PCDHA10: variants seen among roughly 807,000 people sequenced by gnomAD.
PCDHA10 encodes protocadherin alpha 10.
In PCDHA10, 45 loss-of-function variants were observed where a neutral mutation model predicts 61.2. That is an observed-to-expected ratio of 0.74 (90% CI 0.58 to 0.94). The LOEUF (loss-of-function observed/expected upper bound fraction) is 0.94, where lower values mean the gene tolerates loss of function less well. Ranked by LOEUF, PCDHA10 falls within the 40% of genes least tolerant of loss-of-function variation. The pLI is 0.00. For missense variants in PCDHA10, 1,278 were observed against 1,236.2 expected (o/e 1.03, Z -0.51); for synonymous variants, 602 against 548.8 (o/e 1.10, Z -1.35).
At chr5:140,867,411 AT>A (rs2049946393) in intron 1 of PCDHA10, 2 of 152,130 alleles carry the variant, frequency 1.3e-5, no homozygotes, top group South Asian at 2.1e-4. Context: ...GTCTCCTTTA[AT>A]TTTTTAATAC....
intron 1 of PCDHA10, among the ~76,000 whole-genome samples, chr5:140,947,889 A>G (rs1275614644): frequency 1.3e-5 from 2 of 151,626 alleles, no homozygotes; most frequent in Non-Finnish European, 3.0e-5. Flanking sequence ...CAATATAAAC[A>G]GAAGTGGTGA....
intron 1 of PCDHA10, chr5:140,877,662 C>A (rs1176424464): frequency 1.9e-6 from 3 of 1,613,440 alleles, no homozygotes; most frequent in East Asian, 2.2e-5. Context: ...CCACCGTGAG[C>A]CGGTGCGCGC....
chr5:140,967,228 G>A (rs1316363900), intron 1 of PCDHA10: 3 of 1,613,652 alleles, frequency 1.9e-6, no homozygotes, highest in Non-Finnish European at 2.5e-6. Flanking sequence ...CCAACTACCA[G>A]CTTCAGGTAA....
chr5:140,936,270 T>G (rs1367001317), intron 1 of PCDHA10, among the ~76,000 whole-genome samples: 2 of 152,226 alleles, frequency 1.3e-5, no homozygotes, highest in Non-Finnish European at 2.9e-5. Context: ...GAAGATATAT[T>G]CCTGTGTTTT....
intron 1 of PCDHA10, among the ~76,000 whole-genome samples, chr5:140,955,510 T>G (rs1554221967): frequency 6.6e-6 from 1 of 152,154 alleles, no homozygotes; most frequent in Non-Finnish European, 1.5e-5. Context: ...AAAGACGTGT[T>G]TGCTTTCCCT....
chr5:140,975,126 A>G (rs1334807357), intron 1 of PCDHA10, among the ~76,000 whole-genome samples: 6 of 152,074 alleles, frequency 3.9e-5, no homozygotes, highest in Admixed American at 2.6e-4. Flanking sequence ...CCTACTTACT[A>G]TTGGCCTGGG....
intron 1 of PCDHA10, chr5:140,863,340 G>T: frequency 7.4e-7 from 1 of 1,360,462 alleles, no homozygotes. Flanking sequence ...TCACGTTGCT[G>T]CTGTACACGA....
At chr5:140,877,332 C>G (rs2057040352) in intron 1 of PCDHA10, 16 of 1,613,990 alleles carry the variant, frequency 9.9e-6, no homozygotes, top group Non-Finnish European at 1.4e-5. Flanking sequence ...GCGCGCACAT[C>G]CCGTTCCACG....
chr5:140,968,951 A>G, intron 1 of PCDHA10: 4 of 1,614,228 alleles, frequency 2.5e-6, no homozygotes, highest in Non-Finnish European at 3.4e-6. Context: ...TTTGAGCATC[A>G]TCAAGTGCTA....
intron 1 of PCDHA10, among the ~76,000 whole-genome samples, chr5:140,965,466 A>C (rs1364686627): frequency 2.6e-5 from 4 of 152,002 alleles, no homozygotes; most frequent in Non-Finnish European, 4.4e-5. Flanking sequence ...GATAAATCCC[A>C]GACTCCCACA....
At chr5:140,967,710 G>A (rs868978149) in intron 1 of PCDHA10, 1 of 1,614,182 alleles carries the variant, frequency 6.2e-7, no homozygotes, top group Non-Finnish European at 8.5e-7. Flanking sequence ...GCCAGTACCG[G>A]GGAAGTGCGA....
chr5:140,868,044 A>G (rs1224087993), intron 1 of PCDHA10: 1 of 152,140 alleles, frequency 6.6e-6, no homozygotes, highest in Non-Finnish European at 1.5e-5. Flanking sequence ...TGGAAATACC[A>G]ATATGGCACA....
intron 1 of PCDHA10, among the ~76,000 whole-genome samples, chr5:140,921,032 T>A (rs6887800): frequency 0.023 from 3,565 of 152,036 alleles, 50 homozygotes; most frequent in Middle Eastern, 0.034. Context: ...TAGACTGGGG[T>A]GCAGTGGGGC....
At chr5:140,980,852 T>G (rs1233523507) in intron 2 of PCDHA10, among the ~76,000 whole-genome samples, 5 of 152,184 alleles carry the variant, frequency 3.3e-5, no homozygotes, top group African/African-American at 1.2e-4. Flanking sequence ...TACTAATCTT[T>G]TTCGTATGTG....
chr5:140,993,346 G>A (rs2097551194), intron 3 of PCDHA10, among the ~76,000 whole-genome samples: 2 of 151,820 alleles, frequency 1.3e-5, no homozygotes, highest in Non-Finnish European at 1.5e-5. Context: ...AGGGCACTAC[G>A]AAGATCCTCA....
At chr5:140,883,952 G>C (rs782014250) in intron 1 of PCDHA10, 17 of 1,613,030 alleles carry the variant, frequency 1.1e-5, no homozygotes, top group Non-Finnish European at 1.4e-5. Context: ...GAACGACAAC[G>C]CTCCGGCGCT....
At chr5:140,980,584 C>T (rs1447001293) in intron 2 of PCDHA10, among the ~76,000 whole-genome samples, 3 of 151,934 alleles carry the variant, frequency 2.0e-5, no homozygotes, top group Non-Finnish European at 4.4e-5. Context: ...GAGCCAAGAT[C>T]GAGCCACTGC....
chr5:140,856,981 C>T lies in PCDHA10; in HGVS notation c.933C>T (p.Asp311=), dbSNP rs1554149362. 1.2e-5 allele frequency: 19 copies of T among 1,594,810 alleles called. 1 individual carries two copies. Among genetic ancestry groups the T allele is most frequent in the Non-Finnish European group, 1.5e-5 (18 of 1,164,604 alleles). Reference sequence around the variant, plus strand: ...TAAATGATGCTATTGACTTTGAGGACAGTAACACTTATGAAATTCATGTAG... The same window carrying T: ...TAAATGATGCTATTGACTTTGAGGATAGTAACACTTATGAAATTCATGTAG... The part of the protein sequence containing the change: ...IKVNDAIDFE[D]SNTYEIHVDV... The change falls in exon 1 of 4, where the codon GAC becomes GAT. Residue 311 remains aspartate (D), a synonymous_variant. Transcript: ENST00000307360.
At position 140,857,694 on chromosome 5, in the gene PCDHA10, C is replaced by T. The variant is rs1554150531; in HGVS notation, c.1646C>T (p.Thr549Met). 1 of 1,597,142 alleles carries T rather than the reference C, an allele frequency of 6.3e-7. No individual in the cohort carries two copies. Among genetic ancestry groups the T allele is most frequent in the Non-Finnish European group, 8.6e-7 (1 of 1,167,746 alleles). The change falls in exon 1 of 4, where the codon ACG (threonine) becomes ATG (methionine). Residue 549 changes from threonine (T) to methionine (M), a missense_variant. Physicochemically the swap from Thr to Met is moderately conservative, Grantham distance 81 (BLOSUM62 -1). Coordinates refer to ENST00000307360, the MANE Select transcript of PCDHA10 (RefSeq NM_018901.4). Reference protein sequence around the residue: ...GGVPPLGSNLTLQVFVLDEND... With the variant: ...GGVPPLGSNLMLQVFVLDEND... Reference sequence around the variant, plus strand: ...GTGCCGCCTCTGGGCAGCAACTTGACGCTGCAGGTGTTCGTGCTGGACGAG... The same window carrying T: ...GTGCCGCCTCTGGGCAGCAACTTGATGCTGCAGGTGTTCGTGCTGGACGAG...
Sources: allele counts gnomAD v4.1 joint callset (sites outside exome capture counted in the v4.1 genomes callset), GRCh38; gene constraint gnomAD v4.1.1; transcripts MANE v1.5; gene names NCBI Gene and HGNC (gene_info 2026-07-23, HGNC 2026-07-21).